MYRF: variants seen among roughly 807,000 people sequenced by gnomAD.
MYRF encodes myelin regulatory factor, also known as myelin gene regulatory factor.
MYRF carries 16 observed loss-of-function variants against 126.3 expected under a neutral mutation model. The observed-to-expected ratio is 0.13, with a 90% CI of 0.09 to 0.19. The LOEUF is 0.19. Among genes scored for constraint, MYRF ranks in the 10% least tolerant of loss-of-function variants. The pLI, the probability that MYRF is intolerant of heterozygous loss-of-function variation, is 1.00. For missense variants in MYRF, 1,104 were observed against 1,547.0 expected, an observed-to-expected ratio of 0.71 and a Z score of 4.80; for synonymous variants, 608 against 635.3, an observed-to-expected ratio of 0.96 and a Z score of 0.65.
intron 25 of MYRF, 28 bp downstream of exon 25, chr11:61,784,413 G>A (rs751253374): frequency 1.5e-5 from 23 of 1,580,554 alleles, no homozygotes; most frequent in South Asian, 5.6e-5. Flanking sequence ...GCTGCGGGCC[G>A]GCCAGGCCCG....
chr11:61,785,947 G>A lies in MYRF; in HGVS notation c.3375+73G>A. On this transcript the variant is annotated intron_variant, in intron 26 of 26. Coordinates refer to ENST00000278836, the MANE Select transcript of MYRF (RefSeq NM_001127392.3). ...TGCGACGTGGGGCTTGAGGAATGGG[G>A]GGTTTGCACAGTATGTGGTAGGGCT... 21 of 1,570,882 alleles carry A rather than the reference G, an allele frequency of 1.3e-5. 1 individual carries two copies. The South Asian group carries it at 2.3e-4, about 17-fold the overall frequency.
intron 1 of MYRF, among the ~76,000 whole-genome samples, chr11:61,753,452 C>T (rs901260276): frequency 6.6e-6 from 1 of 151,950 alleles, no homozygotes; most frequent in African/African-American, 2.4e-5. Context: ...GGGGCTGGGA[C>T]CCCCCTCCCT....
chr11:61,785,732 C>T (rs2066677013), intron 25 of MYRF, 68 bp from the exon 26 acceptor site: 5 of 1,353,640 alleles, frequency 3.7e-6, no homozygotes, highest in East Asian at 2.3e-5. Flanking sequence ...CTGCGACGGC[C>T]GTGGTGAGAG....
At chr11:61,764,259 T>C (rs752368360) in intron 1 of MYRF, among the ~76,000 whole-genome samples, 7 of 151,760 alleles carry the variant, frequency 4.6e-5, no homozygotes, top group Non-Finnish European at 5.9e-5. Context: ...GGGAGGGGCC[T>C]GGGCGGGGGG....
intron 5 of MYRF, among the ~76,000 whole-genome samples, chr11:61,771,056 T>C (rs2066205579): frequency 1.3e-5 from 2 of 152,230 alleles, no homozygotes; most frequent in Admixed American, 1.3e-4. Context: ...AGGAGTGCCG[T>C]GCGGAAGCTC....
At chr11:61,775,361 G>A (rs1161435295) in intron 8 of MYRF, among the ~76,000 whole-genome samples, 2 of 152,140 alleles carry the variant, frequency 1.3e-5, no homozygotes, top group African/African-American at 4.8e-5. Flanking sequence ...CCTTTGCCTT[G>A]GATGCCCTTC....
At position 61,780,219 on chromosome 11, in the gene MYRF, C is replaced by T; in HGVS notation, c.2337-3C>T. The T allele has an allele frequency of 6.2e-7, 1 of 1,613,944 alleles. No homozygotes were observed. Among genetic ancestry groups the T allele is most frequent in the Non-Finnish European group, 8.5e-7 (1 of 1,179,934 alleles). On this transcript the variant is annotated splice_polypyrimidine_tract_variant and splice_region_variant and intron_variant, in intron 17 of 26. Transcript: ENST00000278836. ...TAACGGTCACCCTTTTCTGTGGCTCCAGCGTGGTGTCCATGTCCACACTGT... is the reference window on the plus strand; with the variant it reads ...TAACGGTCACCCTTTTCTGTGGCTCTAGCGTGGTGTCCATGTCCACACTGT...
Position 61,777,814 on chromosome 11 carries a change from C to G in MYRF, c.1872C>G (p.Ser624Arg). The change falls in exon 13 of 27, where the codon AGC becomes AGG. Residue 624 changes from serine to arginine, a missense_variant. This residue lies in a region of MYRF where 123 missense variants were observed against 209.1 expected (regional missense o/e 0.59). Coordinates refer to ENST00000278836, the MANE Select transcript of MYRF (RefSeq NM_001127392.3). This position sits in a 1 kb window ranked among gnomAD's most constrained non-coding sequence, Gnocchi z 8.8. ...HYRYKPEFAA[S>R]AGIEATAPET... is the part of the protein sequence containing the mutation. ...GATACAAGCCCGAGTTCGCCGCCAG[C>G]GCGGGCATCGAGGCCACCGCGCCAG... 6.4e-7 allele frequency: 1 copy of G among 1,552,342 alleles called. No homozygotes were observed. Among genetic ancestry groups the G allele is most frequent in the Non-Finnish European group, 8.7e-7 (1 of 1,147,554 alleles).
Position 61,757,061 on chromosome 11 carries a change from C to T in MYRF, c.46+4271C>T. 2 of 424,552 alleles carry T rather than the reference C, an allele frequency of 4.7e-6. No individual in the cohort carries two copies. Among genetic ancestry groups the T allele is most frequent in the Non-Finnish European group, 9.7e-6 (2 of 207,134 alleles). 26.3% of individuals were successfully genotyped at this position (424,552 alleles called of 1,614,324 possible). On this transcript the variant is annotated intron_variant, in intron 1 of 26. Coordinates refer to ENST00000278836, the MANE Select transcript of MYRF (RefSeq NM_001127392.3). This position sits in a 1 kb window ranked among gnomAD's most constrained non-coding sequence, Gnocchi z 4.7. ...GAATCATTAACTGGGTGGCCCCGCCCTACCCAGGCAGCCTGCCTTACCTTC... is the reference window on the plus strand; with the variant it reads ...GAATCATTAACTGGGTGGCCCCGCCTTACCCAGGCAGCCTGCCTTACCTTC...
chr11:61,785,736 G>GT (rs1383457333), intron 25 of MYRF, 64 bp from the exon 26 acceptor site: 2 of 1,402,652 alleles, frequency 1.4e-6, no homozygotes, highest in African/African-American at 2.8e-5. Flanking sequence ...GACGGCCGTG[G>GT]TGAGAGATGC....
At chr11:61,775,582 G>T (rs936319327) in intron 8 of MYRF, among the ~76,000 whole-genome samples, 1 of 152,168 alleles carries the variant, frequency 6.6e-6, no homozygotes, top group Non-Finnish European at 1.5e-5. Context: ...GCCAGTGCAC[G>T]TGGAGGAGTA....
rs116326254 is a variant in MYRF at position 61,784,624 on chromosome 11, C to T, written c.3300+239C>T. 4.4e-3 allele frequency: 2,292 copies of T among 520,086 alleles called. 48 individuals are homozygous for T. Among genetic ancestry groups the T allele is most frequent in the African/African-American group, 0.039 (2,057 of 52,294 alleles). The allele number at this position is 520,086 out of a possible 1,614,324, so 32.2% of individuals were successfully genotyped here. A position where few individuals can be genotyped will look rare whatever the true frequency, so the allele number is the denominator to read the frequency against. The stretch of plus-strand genomic sequence containing the variant: ...TGCCGTGCTGGAGACGTGGGGAAGA[C>T]AGCAGATCACAGGTGCTAATGTGGA... On this transcript the variant is annotated intron_variant, in intron 25 of 26. Coordinates refer to ENST00000278836, the MANE Select transcript of MYRF (RefSeq NM_001127392.3).
intron 1 of MYRF, among the ~76,000 whole-genome samples, chr11:61,760,602 G>T (rs1435274418): frequency 6.6e-6 from 1 of 152,216 alleles, no homozygotes; most frequent in Non-Finnish European, 1.5e-5. Context: ...GAGGGGCCTG[G>T]GGGAGAGGGG....
At position 61,766,753 on chromosome 11, in the gene MYRF, C is replaced by T. The variant is rs376252560; in HGVS notation, c.398+532C>T. The T allele has an allele frequency of 3.7e-4, 122 of 328,778 alleles. 2 individuals are homozygous for T. In the East Asian group the frequency reaches 4.0e-3, roughly 11 times the overall value. The allele number at this position is 328,778 out of a possible 1,614,324, so 20.4% of individuals were successfully genotyped here. On this transcript the variant is annotated intron_variant, in intron 3 of 26. Transcript: ENST00000278836. ...CCAAGGGCCTGACCCAGGGCTGAAC[C>T]TTAGGCCTGGCTTTGACCAAAGGTT...
At chr11:61,779,003 T>TG in intron 14 of MYRF, 1 of 648,900 alleles carries the variant, frequency 1.5e-6, no homozygotes, top group East Asian at 3.0e-5. Context: ...TGGCAGGGAG[T>TG]GGGGAGGGCC....
At chr11:61,763,405 CACT>C (rs1158045060) in intron 1 of MYRF, among the ~76,000 whole-genome samples, 2 of 152,216 alleles carry the variant, frequency 1.3e-5, no homozygotes, top group South Asian at 2.1e-4. Flanking sequence ...CTGTCACCAC[CACT>C]GTCTTTGTCA....
chr11:61,761,729 T>C (rs1270748907), intron 1 of MYRF, among the ~76,000 whole-genome samples: 1 of 152,266 alleles, frequency 6.6e-6, no homozygotes, highest in African/African-American at 2.4e-5. Context: ...GCAGCGCTCA[T>C]AGCCCAGTGC....
intron 24 of MYRF, 101 bp from the exon 25 acceptor site, chr11:61,784,179 G>A: frequency 8.6e-7 from 1 of 1,169,518 alleles, no homozygotes; most frequent in Non-Finnish European, 1.2e-6. Flanking sequence ...GGTGTTTCAG[G>A]CTGGGTGGAG....
chr11:61,785,930 G>T, intron 26 of MYRF, 56 bp downstream of exon 26: 1 of 1,585,676 alleles, frequency 6.3e-7, no homozygotes, highest in Non-Finnish European at 8.7e-7. Flanking sequence ...TCTGCGACGT[G>T]GGGCTTGAGG....
Sources: gnomAD v4.1 joint callset for allele counts (sites outside exome capture counted in the v4.1 genomes callset) on GRCh38, gnomAD v4.1.1 for gene constraint, gnomAD v4.1.1 regional missense constraint, Gnocchi (gnomAD v3.1) non-coding constraint, MANE v1.5 for transcripts, NCBI Gene and HGNC (gene_info 2026-07-23, HGNC 2026-07-21) for gene names.